Variants in NRP2 observed in about 807,000 individuals in gnomAD.
NRP2 encodes neuropilin-2.
NRP2 carries 52 observed loss-of-function variants against 110.4 expected under a neutral mutation model. The observed-to-expected ratio is 0.47, with a 90% CI of 0.38 to 0.59. The LOEUF (loss-of-function observed/expected upper bound fraction) is 0.59, where lower values mean the gene tolerates loss of function less well. NRP2 is among the 20% of genes least tolerant of loss of function. NRP2 has a pLI of 0.00. For synonymous variants in NRP2, 508 were observed against 468.9 expected (o/e 1.08, Z -1.08); for missense variants, 1,049 against 1,203.0 (o/e 0.87, Z 1.89).
At chr2:205,749,105 C>A (rs937799507) in intron 10 of NRP2, among the ~76,000 whole-genome samples, 3 of 152,320 alleles carry the variant, frequency 2.0e-5, no homozygotes, top group South Asian at 2.1e-4. Context: ...ACTGGGCCAC[C>A]TCCCCTCCAG....
At position 205,797,238 on chromosome 2, in the gene NRP2, T is replaced by G. The variant is rs989285559; in HGVS notation, c.*2180T>G. 1.3e-5 allele frequency: 2 copies of G among 152,664 alleles called. No homozygotes were observed. Among genetic ancestry groups the G allele is most frequent in the Non-Finnish European group, 2.9e-5 (2 of 68,070 alleles). The allele number at this position is 152,664 out of a possible 1,614,324, so 9.5% of individuals were successfully genotyped here. A position where few individuals can be genotyped will look rare whatever the true frequency, so the allele number is the denominator to read the frequency against. On this transcript the variant is annotated 3_prime_UTR_variant, in exon 17 of 17. Coordinates refer to ENST00000357785, the MANE Select transcript of NRP2 (RefSeq NM_003872.3). Reference sequence around the variant, plus strand: ...CTTAGCTTTAGGGCTCCTCCTGAGTTCGGCCCACAGTAGAAGCAAGATTTT... The same window carrying G: ...CTTAGCTTTAGGGCTCCTCCTGAGTGCGGCCCACAGTAGAAGCAAGATTTT...
intron 3 of NRP2, chr2:205,722,169 T>TA: frequency 3.0e-6 from 1 of 332,176 alleles, no homozygotes; most frequent in Non-Finnish European, 5.6e-6. Flanking sequence ...TCTCTCTCTC[T>TA]CATACACACA....
At chr2:205,705,541 C>T (rs2056656444) in intron 2 of NRP2, among the ~76,000 whole-genome samples, 1 of 152,202 alleles carries the variant, frequency 6.6e-6, no homozygotes, top group African/African-American at 2.4e-5. Flanking sequence ...CTTTTTCCCA[C>T]TGGGGACTCA....
intron 3 of NRP2, among the ~76,000 whole-genome samples, chr2:205,720,633 G>A (rs1363996548): frequency 1.3e-5 from 2 of 152,230 alleles, no homozygotes; most frequent in Admixed American, 6.5e-5. Flanking sequence ...TGGCCCGCAT[G>A]AAGAATGCTG....
rs10646445 is a variant in NRP2 at position 205,722,172 on chromosome 2, T to TACAC, written c.434-269_434-266dup. 8.5e-3 allele frequency: 2,385 copies of TACAC among 279,812 alleles called. 22 individuals carry two copies. Among genetic ancestry groups the TACAC allele is most frequent in the African/African-American group, 0.029 (1,075 of 36,962 alleles). 17.3% of individuals were successfully genotyped at this position (279,812 alleles called of 1,614,324 possible). A position where few individuals can be genotyped will look rare whatever the true frequency, so the allele number is the denominator to read the frequency against. ...TCTCTCTCTCTCTCTCTCTCTCTCA[T>TACAC]ACACACACACACACACACACACACA... On this transcript the variant is annotated intron_variant, in intron 3 of 16. Transcript: ENST00000357785.
intron 1 of NRP2, among the ~76,000 whole-genome samples, chr2:205,692,342 A>G (rs2056331298): frequency 6.6e-6 from 1 of 152,210 alleles, no homozygotes; most frequent in Non-Finnish European, 1.5e-5. Context: ...CAAGATACAG[A>G]TTTTATGAGA....
At chr2:205,781,548 G>A (rs997631638) in intron 15 of NRP2, among the ~76,000 whole-genome samples, 2 of 152,322 alleles carry the variant, frequency 1.3e-5, no homozygotes, top group African/African-American at 2.4e-5. Flanking sequence ...CTGCACAAAC[G>A]TGTGGCCTTT....
chr2:205,764,042 T>C (rs1205485636), intron 13 of NRP2, 106 bp downstream of exon 13: 4 of 1,406,858 alleles, frequency 2.8e-6, no homozygotes, highest in Non-Finnish European at 3.9e-6. Context: ...TTTCATTGTG[T>C]TTCTCACGTT....
At position 205,690,025 on chromosome 2, in the gene NRP2, G is replaced by A. The variant is rs117210910; in HGVS notation, c.73+6662G>A. Among the ~76,000 whole-genome samples the A allele has an allele frequency of 7.9e-5, 12 of 152,342 alleles. No individual in the cohort carries two copies. In the East Asian group the frequency reaches 1.3e-3, roughly 17 times the overall value. ...AAGCTCTCGGTAGCACAGAGTGCAC[G>A]AGGCTGCCGGCCAGCTGAGTGCACG... On this transcript the variant is annotated intron_variant, in intron 1 of 16. Coordinates refer to ENST00000357785, the MANE Select transcript of NRP2 (RefSeq NM_003872.3).
chr2:205,774,978 A>G (rs2058076207), intron 15 of NRP2, among the ~76,000 whole-genome samples: 1 of 152,122 alleles, frequency 6.6e-6, no homozygotes, highest in African/African-American at 2.4e-5. Flanking sequence ...CCCCGTTTGC[A>G]TCTTGAGCAG....
At position 205,725,692 on chromosome 2, in the gene NRP2, C is replaced by T. The variant is rs1222159837; in HGVS notation, c.821-221C>T. 6.6e-6 allele frequency among the ~76,000 whole-genome samples: 1 copy of T among 152,142 alleles called. No individual in the cohort carries two copies. Among genetic ancestry groups the T allele is most frequent in the African/African-American group, 2.4e-5 (1 of 41,440 alleles). Reference sequence around the variant, plus strand: ...TGATGATTCTCTTATTTATCCATAGCCTGATTTCTTTTAGGTCCCATTTAG... The same window carrying T: ...TGATGATTCTCTTATTTATCCATAGTCTGATTTCTTTTAGGTCCCATTTAG... On this transcript the variant is annotated intron_variant, in intron 5 of 16. Coordinates refer to ENST00000357785, the MANE Select transcript of NRP2 (RefSeq NM_003872.3). The surrounding 1 kb of genome is among the most constrained non-coding windows in gnomAD (Gnocchi z 4.1).
At chr2:205,749,918 C>CCCTAGGTCCCTG in intron 11 of NRP2, 77 bp downstream of exon 11, 3 of 1,142,560 alleles carry the variant, frequency 2.6e-6, no homozygotes, top group Non-Finnish European at 4.0e-6. Flanking sequence ...GGACAGGGAC[C>CCCTAGGTCCCTG]TAGTGGTCCC....
At chr2:205,700,507 G>T (rs1443927639) in intron 2 of NRP2, among the ~76,000 whole-genome samples, 1 of 152,218 alleles carries the variant, frequency 6.6e-6, no homozygotes, top group South Asian at 2.1e-4. Flanking sequence ...CTTCCTACGT[G>T]CAGGGTTAAC....
At chr2:205,722,177 A>T (rs1470297798) in intron 3 of NRP2, 13 of 299,450 alleles carry the variant, frequency 4.3e-5, no homozygotes, top group African/African-American at 2.0e-4. Context: ...TCTCATACAC[A>T]CACACACACA....
At chr2:205,741,261 T>C (rs1296373515) in intron 8 of NRP2, among the ~76,000 whole-genome samples, 1 of 152,244 alleles carries the variant, frequency 6.6e-6, no homozygotes, top group African/African-American at 2.4e-5. Flanking sequence ...TTATGGTCCT[T>C]GGAAGTACAT....
intron 10 of NRP2, among the ~76,000 whole-genome samples, chr2:205,748,404 C>T (rs981722124): frequency 2.6e-5 from 4 of 152,322 alleles, no homozygotes; most frequent in Admixed American, 2.6e-4. Flanking sequence ...CTTACTGCCC[C>T]ATAGTTTGCT....
intron 2 of NRP2, among the ~76,000 whole-genome samples, chr2:205,708,659 C>T (rs1575566804): frequency 8.3e-6 from 1 of 119,774 alleles, no homozygotes; most frequent in Admixed American, 9.5e-5. Context: ...TGTTATTTGT[C>T]GTTTCCATTT....
At chr2:205,746,427 G>A (rs905335684) in intron 10 of NRP2, among the ~76,000 whole-genome samples, 4 of 152,212 alleles carry the variant, frequency 2.6e-5, no homozygotes, top group African/African-American at 9.6e-5. Flanking sequence ...GGTGGCCCAG[G>A]CCTTGGGGAA....
intron 1 of NRP2, among the ~76,000 whole-genome samples, chr2:205,687,327 C>A (rs1260897365): frequency 6.6e-6 from 1 of 152,112 alleles, no homozygotes; most frequent in Non-Finnish European, 1.5e-5. Flanking sequence ...TGGCCATTGG[C>A]GAGCATAATA....
Sources: allele counts gnomAD v4.1 joint callset (sites outside exome capture counted in the v4.1 genomes callset), GRCh38; gene constraint gnomAD v4.1.1; non-coding constraint Gnocchi (gnomAD v3.1); transcripts MANE v1.5; gene names NCBI Gene and HGNC (gene_info 2026-07-23, HGNC 2026-07-21).